The following ZCWPW2 variants were observed in gnomAD, a reference collection of about 807,000 sequenced individuals.
ZCWPW2 encodes the protein zinc finger CW-type PWWP domain protein 2.
Under a neutral mutation model 46.6 loss-of-function variants are expected in ZCWPW2, and 45 were observed. That is an observed-to-expected ratio of 0.96 (90% confidence interval 0.76 to 1.24). ZCWPW2 has a LOEUF of 1.24. ZCWPW2 is among the 50% of genes most tolerant of loss of function. The pLI, the probability that ZCWPW2 is intolerant of heterozygous loss-of-function variation, is 0.00. For missense variants in ZCWPW2, 429 were observed against 403.9 expected (o/e 1.06, Z -0.53); for synonymous variants, 152 against 137.1 (o/e 1.11, Z -0.76).
At chr3:28,479,283 A>G (rs1292754842) in intron 5 of ZCWPW2, among the ~76,000 whole-genome samples, 1 of 152,192 alleles carries the variant, frequency 6.6e-6, no homozygotes, top group Non-Finnish European at 1.5e-5. Flanking sequence ...TGGCATTAAA[A>G]TTTCACTTGG....
intron 4 of ZCWPW2, among the ~76,000 whole-genome samples, chr3:28,451,321 G>A (rs1698218010): frequency 6.6e-6 from 1 of 152,180 alleles, no homozygotes; most frequent in African/African-American, 2.4e-5. Context: ...CGGAGACTCA[G>A]CCTACATGTC....
chr3:28,383,354 G>T (rs1258595434), intron 1 of ZCWPW2, among the ~76,000 whole-genome samples: 2 of 149,382 alleles, frequency 1.3e-5, no homozygotes, highest in Admixed American at 1.3e-4. Context: ...ACAAAGCAAA[G>T]GTTAATGCTT....
At chr3:28,463,375 G>C (rs1454000866) in intron 4 of ZCWPW2, among the ~76,000 whole-genome samples, 1 of 152,036 alleles carries the variant, frequency 6.6e-6, no homozygotes, top group African/African-American at 2.4e-5. Flanking sequence ...ATTAACCCTT[G>C]ACTTTATAAG....
chr3:28,393,279 A>C lies in ZCWPW2; in HGVS notation c.-14+2662A>C, dbSNP rs145760705. Among the ~76,000 whole-genome samples the C allele has an allele frequency of 2.7e-3, 409 of 152,276 alleles. 9 individuals carry two copies. The East Asian group carries it at 0.041, about 15-fold the overall frequency. ...ATATAAAATCTGAAATAGGCTAATA[A>C]TAAGTAAGGAGTTTGAATCAGTAAT... On this transcript the variant is annotated intron_variant, in intron 2 of 9. Transcript: ENST00000383768.
intron 4 of ZCWPW2, among the ~76,000 whole-genome samples, chr3:28,474,616 TGTGTGCGCGCGCGC>T (rs1284741226): frequency 6.7e-4 from 100 of 149,250 alleles, no homozygotes; most frequent in African/African-American, 2.1e-3. Context: ...TGTGTGTGTG[TGTGTGCGCGCGCGC>T]GCGCGCGCAC....
chr3:28,476,395 G>T lies in ZCWPW2; in HGVS notation c.493-2419G>T, dbSNP rs141514855. On this transcript the variant is annotated intron_variant, in intron 4 of 9. Coordinates refer to ENST00000383768, the MANE Select transcript of ZCWPW2 (RefSeq NM_001040432.4). ...TTTTAATTTGTAGTACCACTAGGTG[G>T]CACATGCCTACTGATAAGTTCAAAG... Among the ~76,000 whole-genome samples the T allele has an allele frequency of 9.5e-3, 1,445 of 152,202 alleles. 16 individuals are homozygous for T. The highest frequency in any genetic ancestry group is 0.024 in the Middle Eastern group (7 of 294).
chr3:28,403,527 C>T (rs909299843), intron 2 of ZCWPW2, among the ~76,000 whole-genome samples: 7 of 151,976 alleles, frequency 4.6e-5, no homozygotes, highest in African/African-American at 7.3e-5. Context: ...TCATTCTTCA[C>T]GGAATTAGAA....
chr3:28,357,443 G>T (rs1704779833), intron 1 of ZCWPW2, among the ~76,000 whole-genome samples: 1 of 152,146 alleles, frequency 6.6e-6, no homozygotes, highest in Non-Finnish European at 1.5e-5. Flanking sequence ...GGATGTCTTT[G>T]AGTGTCTTTA....
At chr3:28,495,683 A>T (rs987476335) in intron 6 of ZCWPW2, among the ~76,000 whole-genome samples, 3 of 151,966 alleles carry the variant, frequency 2.0e-5, no homozygotes, top group Admixed American at 1.3e-4. Context: ...TTTGTTTTTT[A>T]TTTAATTTTT....
intron 1 of ZCWPW2, among the ~76,000 whole-genome samples, chr3:28,372,232 G>A (rs961123887): frequency 2.6e-5 from 4 of 152,094 alleles, no homozygotes; most frequent in African/African-American, 7.2e-5. Context: ...TATGAAGATT[G>A]TTGGATGTAG....
intron 4 of ZCWPW2, among the ~76,000 whole-genome samples, chr3:28,449,851 A>G (rs1698155292): frequency 6.6e-6 from 1 of 152,180 alleles, no homozygotes; most frequent in Non-Finnish European, 1.5e-5. Context: ...TTTTATATTT[A>G]GTAGGTACAT....
intron 4 of ZCWPW2, among the ~76,000 whole-genome samples, chr3:28,449,939 A>G (rs374597465): frequency 1.3e-5 from 2 of 152,304 alleles, no homozygotes; most frequent in East Asian, 3.9e-4. Context: ...TTTAGTGTAG[A>G]GTAATGTAGT....
At chr3:28,442,373 A>C (rs1441707618) in intron 4 of ZCWPW2, among the ~76,000 whole-genome samples, 2 of 152,216 alleles carry the variant, frequency 1.3e-5, no homozygotes, top group African/African-American at 4.8e-5. Context: ...ATCCTCTGGC[A>C]AGCAAATGTC....
intron 1 of ZCWPW2, among the ~76,000 whole-genome samples, chr3:28,376,594 G>T (rs1032449415): frequency 6.6e-6 from 1 of 152,038 alleles, no homozygotes. Context: ...TATACTGTCT[G>T]CTCAGTGTTT....
Position 28,423,229 on chromosome 3 carries a change from T to C in ZCWPW2, c.332+9829T>C, listed in dbSNP as rs118073308. ...TTAATGAACTCTGCTTTATCATTTT[T>C]TTCTGTCATGGTTGGTGCCTTTGAT... On this transcript the variant is annotated intron_variant, in intron 3 of 9. Coordinates refer to ENST00000383768, the MANE Select transcript of ZCWPW2 (RefSeq NM_001040432.4). 2.1e-4 allele frequency among the ~76,000 whole-genome samples: 32 copies of C among 152,194 alleles called. No individual in the cohort carries two copies. In the East Asian group the frequency reaches 6.0e-3, roughly 28 times the overall value.
chr3:28,444,137 A>G (rs549073745), intron 4 of ZCWPW2, among the ~76,000 whole-genome samples: 1 of 152,242 alleles, frequency 6.6e-6, no homozygotes, highest in East Asian at 1.9e-4. Flanking sequence ...TCCTTCCGCC[A>G]TTATCCCACA....
At chr3:28,430,204 G>A (rs1697197445) in intron 3 of ZCWPW2, among the ~76,000 whole-genome samples, 2 of 152,200 alleles carry the variant, frequency 1.3e-5, no homozygotes, top group South Asian at 2.1e-4. Context: ...ACAGCCACAG[G>A]GGTGGAGCTG....
chr3:28,422,356 CCT>C (rs1696827029), intron 3 of ZCWPW2, among the ~76,000 whole-genome samples: 1 of 152,046 alleles, frequency 6.6e-6, no homozygotes, highest in South Asian at 2.1e-4. Flanking sequence ...GCCTAAAAAT[CCT>C]CTGTGTTTCT....
intron 1 of ZCWPW2, among the ~76,000 whole-genome samples, chr3:28,375,512 TG>T (rs375005684): frequency 6.6e-6 from 1 of 152,168 alleles, no homozygotes; most frequent in African/African-American, 2.4e-5. Context: ...AAAACATTTT[TG>T]TGGGTACATA....
Sources: gnomAD v4.1 joint callset for allele counts (sites outside exome capture counted in the v4.1 genomes callset) on GRCh38, gnomAD v4.1.1 for gene constraint, MANE v1.5 for transcripts, NCBI Gene and HGNC (gene_info 2026-07-23, HGNC 2026-07-21) for gene names.